The following ZNF385D variants were observed in gnomAD, a reference collection of about 807,000 sequenced individuals.
ZNF385D encodes zinc finger protein 385D.
ZNF385D carries 15 observed loss-of-function variants against 35.8 expected under a neutral mutation model. That is an observed-to-expected ratio of 0.42 (90% CI 0.28 to 0.64). ZNF385D has a LOEUF of 0.64. ZNF385D is among the 30% of genes least tolerant of loss of function. The pLI, the probability that ZNF385D is intolerant of heterozygous loss-of-function variation, is 0.23. For missense variants in ZNF385D, 474 were observed against 494.6 expected (o/e 0.96, Z 0.39); for synonymous variants, 212 against 186.8 (o/e 1.13, Z -1.10).
chr3:22,175,517 G>C (rs1176742163), intron 2 of ZNF385D, among the ~76,000 whole-genome samples: 1 of 151,958 alleles, frequency 6.6e-6, no homozygotes, highest in Non-Finnish European at 1.5e-5. Flanking sequence ...GCCATTCAAA[G>C]TTGCCCATGC....
intron 1 of ZNF385D, among the ~76,000 whole-genome samples, chr3:21,746,823 C>T (rs544282243): frequency 1.2e-4 from 19 of 152,268 alleles, no homozygotes; most frequent in African/African-American, 4.6e-4. Context: ...GCTTTCTGAT[C>T]GTTTCCTTCC....
At chr3:21,453,758 G>A (rs1299994292) in intron 4 of ZNF385D, among the ~76,000 whole-genome samples, 1 of 151,974 alleles carries the variant, frequency 6.6e-6, no homozygotes, top group Non-Finnish European at 1.5e-5. Flanking sequence ...GTATGTTACT[G>A]GTGGTAATAT....
At chr3:21,854,475 T>C (rs919787689) in intron 3 of ZNF385D, among the ~76,000 whole-genome samples, 4 of 151,962 alleles carry the variant, frequency 2.6e-5, no homozygotes, top group African/African-American at 9.7e-5. Context: ...GGCAATAATA[T>C]AGGCCTTGCA....
At chr3:22,277,320 C>A (rs539572993) in intron 2 of ZNF385D, among the ~76,000 whole-genome samples, 1 of 152,088 alleles carries the variant, frequency 6.6e-6, no homozygotes, top group Non-Finnish European at 1.5e-5. Context: ...GAGGCTGAAC[C>A]TAAAAGAATC....
chr3:21,864,539 A>G (rs1364907229), intron 3 of ZNF385D, among the ~76,000 whole-genome samples: 1 of 152,106 alleles, frequency 6.6e-6, no homozygotes, highest in East Asian at 1.9e-4. Context: ...ACTGGCTAAC[A>G]TACATCAAAC....
At chr3:22,306,316 TTC>T (rs946631533) in intron 2 of ZNF385D, among the ~76,000 whole-genome samples, 74 of 152,192 alleles carry the variant, frequency 4.9e-4, no homozygotes, top group African/African-American at 1.7e-3. Flanking sequence ...GGGTAAACCT[TTC>T]TCTGTCTTGT....
At chr3:21,988,923 C>T (rs960260189) in intron 3 of ZNF385D, among the ~76,000 whole-genome samples, 6 of 152,144 alleles carry the variant, frequency 3.9e-5, no homozygotes, top group South Asian at 4.1e-4. Flanking sequence ...GTGGGAGTGA[C>T]CCGATTTTCC....
At chr3:21,714,450 A>G (rs1411725176) in intron 1 of ZNF385D, among the ~76,000 whole-genome samples, 2 of 152,196 alleles carry the variant, frequency 1.3e-5, no homozygotes, top group East Asian at 3.9e-4. Context: ...TAAGTATCAT[A>G]AATTCCCATA....
intron 3 of ZNF385D, among the ~76,000 whole-genome samples, chr3:22,041,092 T>C (rs1576210228): frequency 6.6e-6 from 1 of 152,098 alleles, no homozygotes; most frequent in Non-Finnish European, 1.5e-5. Context: ...AGGTCAGTTC[T>C]CCCGCTCTGT....
intron 3 of ZNF385D, among the ~76,000 whole-genome samples, chr3:21,515,255 C>G (rs1005818688): frequency 1.3e-5 from 2 of 152,142 alleles, no homozygotes; most frequent in Non-Finnish European, 2.9e-5. Context: ...CTATAAAATT[C>G]ACTGAGAAGT....
chr3:22,192,867 T>C (rs1281382358), intron 2 of ZNF385D, among the ~76,000 whole-genome samples: 12 of 152,172 alleles, frequency 7.9e-5, no homozygotes, highest in Admixed American at 7.9e-4. Context: ...TAAAGTTTTC[T>C]CTAATTCTTA....
chr3:22,235,186 T>C (rs1037048081), intron 2 of ZNF385D, among the ~76,000 whole-genome samples: 6 of 152,110 alleles, frequency 3.9e-5, no homozygotes, highest in Non-Finnish European at 7.4e-5. Context: ...AATTTTACCC[T>C]CAGCCAGACC....
rs145892927 is a variant in ZNF385D at position 21,884,363 on chromosome 3, G to A, written c.326-219335C>T. Reference sequence around the variant, plus strand: ...TCCCTTCGCTGGAATTGTTATCTGAGTGCTTCTCCTAATGTCTATCTGACA... The same window carrying A: ...TCCCTTCGCTGGAATTGTTATCTGAATGCTTCTCCTAATGTCTATCTGACA... On this transcript the variant is annotated intron_variant, in intron 3 of 5. Transcript: ENST00000494108. 4.7e-3 allele frequency among the ~76,000 whole-genome samples: 709 copies of A among 152,018 alleles called. 8 individuals are homozygous for A. The highest frequency in any genetic ancestry group is 0.017 in the African/African-American group (688 of 41,490).
chr3:22,349,086 A>G lies in ZNF385D; in HGVS notation c.106+23364T>C, dbSNP rs78393570. Among the ~76,000 whole-genome samples the G allele has an allele frequency of 4.4e-3, 676 of 152,316 alleles. 14 individuals carry two copies. In the East Asian group the frequency reaches 0.062, roughly 14 times the overall value. ...AGGTTAATATTTGCTTAAAATTCAG[A>G]ACTCCATGTCTCCTTCTCTATACTA... On this transcript the variant is annotated intron_variant, in intron 2 of 5. Coordinates refer to the ZNF385D transcript ENST00000494108.
At chr3:22,057,209 G>A (rs146416614) in intron 3 of ZNF385D, among the ~76,000 whole-genome samples, 2 of 152,294 alleles carry the variant, frequency 1.3e-5, no homozygotes, top group East Asian at 1.9e-4. Flanking sequence ...CCTTGGGCAA[G>A]TTAATTAAAT....
At chr3:21,844,764 C>T (rs1048884724) in intron 3 of ZNF385D, among the ~76,000 whole-genome samples, 1 of 151,902 alleles carries the variant, frequency 6.6e-6, no homozygotes, top group African/African-American at 2.4e-5. Flanking sequence ...CTACCTGATG[C>T]TAGTATTTTC....
chr3:21,790,078 G>A (rs1042392682), intron 3 of ZNF385D, among the ~76,000 whole-genome samples: 1 of 152,040 alleles, frequency 6.6e-6, no homozygotes, highest in Non-Finnish European at 1.5e-5. Context: ...TACTCTACAA[G>A]ACACAAACAC....
chr3:21,815,134 A>C (rs547293757), intron 3 of ZNF385D, among the ~76,000 whole-genome samples: 12 of 152,350 alleles, frequency 7.9e-5, no homozygotes, highest in Non-Finnish European at 1.8e-4. Context: ...TTTGAAACCA[A>C]TGAGAACAAA....
intron 3 of ZNF385D, among the ~76,000 whole-genome samples, chr3:21,802,120 G>C (rs530859986): frequency 1.5e-4 from 23 of 152,232 alleles, no homozygotes; most frequent in Admixed American, 3.3e-4. Context: ...TTTCCATAAA[G>C]ATGGAGACAT....
Sources: allele counts gnomAD v4.1 joint callset (sites outside exome capture counted in the v4.1 genomes callset), GRCh38; gene constraint gnomAD v4.1.1; transcripts MANE v1.5; gene names NCBI Gene and HGNC (gene_info 2026-07-23, HGNC 2026-07-21).